DRD2: variants seen among roughly 807,000 people sequenced by gnomAD.
The protein encoded by DRD2 is dopamine receptor D2.
In DRD2, 8 loss-of-function variants were observed where a neutral mutation model predicts 38.0. The observed-to-expected ratio is 0.21, with a 90% CI of 0.12 to 0.38. The LOEUF (loss-of-function observed/expected upper bound fraction) is 0.38, where lower values mean the gene tolerates loss of function less well. Among genes scored for constraint, DRD2 ranks in the 10% least tolerant of loss-of-function variants. The pLI, the probability that DRD2 is intolerant of heterozygous loss-of-function variation, is 1.00. For synonymous variants in DRD2, 230 were observed against 238.6 expected, an observed-to-expected ratio of 0.96 and a Z score of 0.33; for missense variants, 403 against 607.7, an observed-to-expected ratio of 0.66 and a Z score of 3.54.
intron 1 of DRD2, among the ~76,000 whole-genome samples, chr11:113,440,089 G>A (rs1266232987): frequency 1.3e-5 from 2 of 152,074 alleles, no homozygotes; most frequent in Non-Finnish European, 2.9e-5. Flanking sequence ...AACTTAAGGA[G>A]AGTAATTCTG....
intron 1 of DRD2, among the ~76,000 whole-genome samples, chr11:113,462,436 C>G (rs1459844201): frequency 6.6e-6 from 1 of 152,140 alleles, no homozygotes; most frequent in African/African-American, 2.4e-5. Context: ...CTGGTGTACC[C>G]TTATAAGAAG....
chr11:113,448,236 T>C (rs974709349), intron 1 of DRD2, among the ~76,000 whole-genome samples: 1 of 152,176 alleles, frequency 6.6e-6, no homozygotes, highest in Admixed American at 6.5e-5. Flanking sequence ...CTCTTGTCCA[T>C]AGGCCAGTAG....
chr11:113,424,711 C>T (rs1049904556), intron 1 of DRD2, 29 bp from the exon 2 acceptor site: 11 of 1,609,722 alleles, frequency 6.8e-6, no homozygotes, highest in Non-Finnish European at 9.3e-6. Flanking sequence ...CACAAGGTGT[C>T]AGTGAGAGGG....
chr11:113,460,451 C>T (rs1951307093), intron 1 of DRD2, among the ~76,000 whole-genome samples: 1 of 152,256 alleles, frequency 6.6e-6, no homozygotes, highest in African/African-American at 2.4e-5. Context: ...CTCGAGCTGC[C>T]AGCCTCCAAA....
chr11:113,435,062 C>T (rs1392584940), intron 1 of DRD2, among the ~76,000 whole-genome samples: 2 of 152,170 alleles, frequency 1.3e-5, no homozygotes, highest in Non-Finnish European at 2.9e-5. Context: ...GCCAGGTGGC[C>T]CTGGGCCTGC....
At chr11:113,454,325 C>T (rs1951246270) in intron 1 of DRD2, among the ~76,000 whole-genome samples, 1 of 151,968 alleles carries the variant, frequency 6.6e-6, no homozygotes, top group Non-Finnish European at 1.5e-5. Context: ...GCACTCCAGC[C>T]TGGGCAATAG....
chr11:113,425,317 G>A (rs996911392), intron 1 of DRD2, among the ~76,000 whole-genome samples: 12 of 152,206 alleles, frequency 7.9e-5, no homozygotes, highest in Non-Finnish European at 1.6e-4. Flanking sequence ...AATTAGCCAG[G>A]TAAAGAACTA....
intron 1 of DRD2, among the ~76,000 whole-genome samples, chr11:113,425,897 C>T (rs1079596): frequency 0.19 from 28,833 of 151,816 alleles, 3,101 homozygotes; most frequent in East Asian, 0.42. Flanking sequence ...ATGGCAGTAA[C>T]GTTGAGGATA....
chr11:113,425,704 C>A (rs558393446), intron 1 of DRD2, among the ~76,000 whole-genome samples: 40 of 151,782 alleles, frequency 2.6e-4, no homozygotes, highest in African/African-American at 9.2e-4. Flanking sequence ...GAAAGCCCTG[C>A]AGAATGGGCA....
chr11:113,413,013 G>A (rs369946520), intron 6 of DRD2, 130 bp from the exon 7 acceptor site: 9 of 1,059,612 alleles, frequency 8.5e-6, no homozygotes, highest in Non-Finnish European at 1.2e-5. Context: ...CTGCCAGGGA[G>A]GCAAGGATGT....
At chr11:113,413,445 G>T (rs1950789904) in intron 6 of DRD2, 7 of 478,250 alleles carry the variant, frequency 1.5e-5, no homozygotes, top group South Asian at 8.9e-5. Context: ...GACCTAGAGA[G>T]CCCTGGCATG....
At chr11:113,422,714 A>G (rs982419482) in intron 2 of DRD2, among the ~76,000 whole-genome samples, 7 of 152,136 alleles carry the variant, frequency 4.6e-5, no homozygotes, top group African/African-American at 1.7e-4. Flanking sequence ...GGGGTGATGG[A>G]TCAGAGCTCC....
chr11:113,456,258 T>C (rs944789943), intron 1 of DRD2, among the ~76,000 whole-genome samples: 1 of 152,182 alleles, frequency 6.6e-6, no homozygotes, highest in African/African-American at 2.4e-5. Flanking sequence ...AAGTAGAAGG[T>C]AAAATGGTGG....
chr11:113,474,309 G>A (rs1156709266), intron 1 of DRD2: 1 of 152,144 alleles, frequency 6.6e-6, no homozygotes, highest in Non-Finnish European at 1.5e-5. Flanking sequence ...GTGCTTAGAG[G>A]TGTCTCTTGT....
At position 113,412,883 on chromosome 11, in the gene DRD2, C is replaced by T; in HGVS notation, c.811G>A (p.Glu271Lys). ...AGCTCCTGGGCTCGCCGGGCAGCCTCCTGCACCAGAGGCAGAGGGCTCTGG... is the reference window on the plus strand; with the variant it reads ...AGCTCCTGGGCTCGCCGGGCAGCCTTCTGCACCAGAGGCAGAGGGCTCTGG... The part of the protein sequence containing the change: ...GSFPVNRRRV[E>K]AARRAQELEM... Residue 271 changes from glutamate (E) to lysine (K), a missense_variant and splice_region_variant, in exon 7 of 8, where the codon GAG becomes AAG. Physicochemically the swap from Glu to Lys is moderately conservative, Grantham distance 56. This residue lies in a region of DRD2 where 166 missense variants were observed against 178.6 expected (regional missense o/e 0.93). Coordinates refer to ENST00000362072, the MANE Select transcript of DRD2 (RefSeq NM_000795.4). The T allele has an allele frequency of 1.2e-6, 2 of 1,610,584 alleles. No individual in the cohort carries two copies. Among genetic ancestry groups the T allele is most frequent in the Non-Finnish European group, 1.7e-6 (2 of 1,179,676 alleles).
intron 1 of DRD2, among the ~76,000 whole-genome samples, chr11:113,451,772 G>T (rs568203338): frequency 1.3e-5 from 2 of 152,024 alleles, no homozygotes; most frequent in South Asian, 2.1e-4. Flanking sequence ...TTATAGGCCT[G>T]TATCCTCTCT....
chr11:113,434,783 C>CG (rs1344992252), intron 1 of DRD2, among the ~76,000 whole-genome samples: 1 of 152,256 alleles, frequency 6.6e-6, no homozygotes, highest in Admixed American at 6.5e-5. Context: ...GCCATCCCCC[C>CG]CCATCAGCAC....
Position 113,424,656 on chromosome 11 carries a change from G to C in DRD2, c.-5C>G. On this transcript the variant is annotated 5_prime_UTR_variant, in exon 2 of 8. Transcript: ENST00000362072. ...GGACAGATTCAGTGGATCCATCAGG[G>C]CGGTGGAGCCACTGGGTGGCCAGGC... is the stretch of plus-strand genomic sequence containing the variant. 1.2e-6 allele frequency: 2 copies of C among 1,614,008 alleles called. No individual in the cohort carries two copies. Among genetic ancestry groups the C allele is most frequent in the Non-Finnish European group, 1.7e-6 (2 of 1,180,040 alleles).
intron 1 of DRD2, among the ~76,000 whole-genome samples, chr11:113,446,771 CAG>C (rs1396185038): frequency 1.3e-5 from 2 of 152,216 alleles, no homozygotes; most frequent in Non-Finnish European, 2.9e-5. Context: ...AAATGAGAAA[CAG>C]AGAGAAGTCC....
Sources: gnomAD v4.1 joint callset for allele counts (sites outside exome capture counted in the v4.1 genomes callset) on GRCh38, gnomAD v4.1.1 for gene constraint, gnomAD v4.1.1 regional missense constraint, MANE v1.5 for transcripts, NCBI Gene and HGNC (gene_info 2026-07-23, HGNC 2026-07-21) for gene names.